The following ZNF292 variants were observed in gnomAD, a reference collection of about 807,000 sequenced individuals.
The protein encoded by ZNF292 is 16 zinc-finger domain protein.
ZNF292 carries 26 observed loss-of-function variants against 217.9 expected under a neutral mutation model. The ratio of observed to expected loss-of-function variants is 0.12; its 90% CI spans 0.09 to 0.17. The LOEUF is 0.17. ZNF292 is among the 10% of genes least tolerant of loss of function. The pLI, the probability that ZNF292 is intolerant of heterozygous loss-of-function variation, is 1.00. For missense variants in ZNF292, 2,904 were observed against 3,175.2 expected (o/e 0.91, Z 2.05); for synonymous variants, 1,257 against 1,124.1 (o/e 1.12, Z -2.37).
intron 1 of ZNF292, among the ~76,000 whole-genome samples, chr6:87,180,987 CA>C (rs1771454043): frequency 6.6e-6 from 1 of 152,154 alleles, no homozygotes; most frequent in South Asian, 2.1e-4. Flanking sequence ...AGCATGCAGA[CA>C]GGTAGGTGCA....
At chr6:87,197,563 C>T (rs1373495441) in intron 1 of ZNF292, among the ~76,000 whole-genome samples, 5 of 150,300 alleles carry the variant, frequency 3.3e-5, no homozygotes, top group Non-Finnish European at 7.4e-5. Context: ...GGTGAAACTC[C>T]GTCTCTACTA....
In ZNF292 at chr6:87,165,494, C is replaced by T. The variant is rs1456382028; in HGVS notation, c.168+9735C>T. Among the ~76,000 whole-genome samples, 11 of 152,172 alleles carry T rather than the reference C, an allele frequency of 7.2e-5. No homozygotes were observed. The East Asian group carries it at 1.5e-3, about 21-fold the overall frequency. On this transcript the variant is annotated intron_variant, in intron 1 of 7. Coordinates refer to ENST00000369577, the MANE Select transcript of ZNF292 (RefSeq NM_015021.3). ...TAGTTGTCACACTGAAACAAAATGA[C>T]CACAAAACCATACTTATCTTTACTA...
intron 6 of ZNF292, among the ~76,000 whole-genome samples, chr6:87,244,286 G>T (rs1306897709): frequency 6.6e-6 from 1 of 152,168 alleles, no homozygotes; most frequent in South Asian, 2.1e-4. Flanking sequence ...ATTGAGCCTC[G>T]TTATGAAGGA....
At chr6:87,191,664 T>C (rs1341898433) in intron 1 of ZNF292, among the ~76,000 whole-genome samples, 2 of 152,146 alleles carry the variant, frequency 1.3e-5, no homozygotes, top group Non-Finnish European at 2.9e-5. Flanking sequence ...CCTTGTTGCT[T>C]TTATTTTATT....
At chr6:87,182,377 C>T (rs1025763784) in intron 1 of ZNF292, among the ~76,000 whole-genome samples, 2 of 152,150 alleles carry the variant, frequency 1.3e-5, no homozygotes. Context: ...TAAAAAATTT[C>T]CACCTGGTTA....
At chr6:87,203,040 G>A (rs1772139372) in intron 1 of ZNF292, among the ~76,000 whole-genome samples, 2 of 151,810 alleles carry the variant, frequency 1.3e-5, no homozygotes, top group African/African-American at 4.8e-5. Context: ...ATAAATAGGG[G>A]ACTACTGCAT....
chr6:87,258,534 T>C lies in ZNF292; in HGVS notation c.4905T>C (p.Ala1635=). ...NSASKRRKKV[A]PPLIAPNASQ... ...CTTCTAAGAGAAGAAAGAAAGTTGCTCCTCCACTAATTGCACCTAACGCTT... is the reference window on the plus strand; with the variant it reads ...CTTCTAAGAGAAGAAAGAAAGTTGCCCCTCCACTAATTGCACCTAACGCTT... Residue 1635 remains alanine, a synonymous_variant, in exon 8 of 8, where the codon GCT becomes GCC. Transcript: ENST00000369577. 1.2e-6 allele frequency: 2 copies of C among 1,613,644 alleles called. No homozygotes were observed. The highest frequency in any genetic ancestry group is 1.7e-6 in the Non-Finnish European group (2 of 1,179,766).
chr6:87,253,283 C>A (rs1261592645), intron 7 of ZNF292, among the ~76,000 whole-genome samples: 1 of 139,918 alleles, frequency 7.1e-6, no homozygotes, highest in African/African-American at 2.8e-5. Context: ...TGGATTGTTG[C>A]AGTGGTGCGA....
rs1447905439 is a variant in ZNF292, at chr6:87,261,654, A to T, written c.8025A>T (p.Lys2675Asn). The part of the protein sequence containing the change: ...NVKIVLDKNL[K>N]DCTELVLKQL... ...AAATTGTTTTAGACAAGAATCTTAA[A>T]GATTGCACTGAGCTTGTCTTAAAGC... is the stretch of plus-strand genomic sequence containing the variant. The change falls in exon 8 of 8, where the codon AAA becomes AAT. Residue 2675 changes from lysine (K) to asparagine (N), a missense_variant. Coordinates refer to ENST00000369577, the MANE Select transcript of ZNF292 (RefSeq NM_015021.3). 6.2e-7 allele frequency: 1 copy of T among 1,612,528 alleles called. No homozygotes were observed.
chr6:87,224,277 G>A (rs1192380304), intron 4 of ZNF292, among the ~76,000 whole-genome samples: 3 of 151,604 alleles, frequency 2.0e-5, no homozygotes, highest in Non-Finnish European at 2.9e-5. Context: ...TAGTTATTTT[G>A]TTGTATTCTG....
chr6:87,240,779 CT>C (rs1300124359), intron 5 of ZNF292, among the ~76,000 whole-genome samples: 1 of 152,138 alleles, frequency 6.6e-6, no homozygotes, highest in Non-Finnish European at 1.5e-5. Flanking sequence ...ATAAATGAGA[CT>C]TTCAAGAAAT....
At chr6:87,253,430 A>G (rs1002248825) in intron 7 of ZNF292, among the ~76,000 whole-genome samples, 2 of 151,280 alleles carry the variant, frequency 1.3e-5, no homozygotes, top group Non-Finnish European at 2.9e-5. Context: ...GGGTTTCCCT[A>G]TGTTGCCCAG....
rs1326296867 is a variant in ZNF292, at chr6:87,155,741, C to T, written c.150C>T (p.Tyr50=). 1.3e-6 allele frequency: 2 copies of T among 1,598,554 alleles called. No individual in the cohort carries two copies. Residue 50 remains tyrosine, a synonymous_variant, in exon 1 of 8, where the codon TAC becomes TAT. Coordinates refer to ENST00000369577, the MANE Select transcript of ZNF292 (RefSeq NM_015021.3). ...RVPAVEAATD[Y]CQQLCQTLLE... The stretch of plus-strand genomic sequence containing the variant: ...CGGCCGTGGAAGCGGCCACCGACTA[C>T]TGTCAGCAGCTGTGCCAGGTGAGGG...
chr6:87,225,027 A>C (rs1773273309), intron 4 of ZNF292, among the ~76,000 whole-genome samples: 1 of 152,170 alleles, frequency 6.6e-6, no homozygotes, highest in South Asian at 2.1e-4. Context: ...AACAATTGGT[A>C]TTGTCCGTTT....
intron 1 of ZNF292, among the ~76,000 whole-genome samples, chr6:87,187,540 G>A (rs1049368153): frequency 2.6e-5 from 4 of 151,810 alleles, no homozygotes; most frequent in African/African-American, 9.7e-5. Context: ...CCAACATGGT[G>A]AAACCCATCT....
chr6:87,246,836 A>G (rs1169446777), intron 7 of ZNF292, among the ~76,000 whole-genome samples: 1 of 152,122 alleles, frequency 6.6e-6, no homozygotes, highest in Admixed American at 6.5e-5. Context: ...AGCCTGGGTG[A>G]CAAGCAAGAT....
intron 4 of ZNF292, among the ~76,000 whole-genome samples, chr6:87,218,978 T>A (rs1772933337): frequency 6.6e-6 from 1 of 152,172 alleles, no homozygotes; most frequent in African/African-American, 2.4e-5. Flanking sequence ...ACAGAGGAAT[T>A]CCTTCTGTAA....
In ZNF292 at chr6:87,261,246, C is replaced by T; in HGVS notation, c.7617C>T (p.Val2539=). The part of the protein sequence containing the change: ...NLKRVNKEKN[V]SQNKKRKVEK... ...AGAGAGTTAATAAGGAAAAAAATGT[C>T]TCACAAAATAAAAAAAGGAAAGTTG... Residue 2539 remains valine (V), a synonymous_variant, in exon 8 of 8, where the codon GTC becomes GTT. Coordinates refer to ENST00000369577, the MANE Select transcript of ZNF292 (RefSeq NM_015021.3). 3.1e-6 allele frequency: 5 copies of T among 1,610,126 alleles called. No individual in the cohort carries two copies. The highest frequency in any genetic ancestry group is 4.2e-6 in the Non-Finnish European group (5 of 1,178,864).
intron 4 of ZNF292, among the ~76,000 whole-genome samples, chr6:87,231,553 G>A (rs939441298): frequency 5.3e-4 from 81 of 152,240 alleles, no homozygotes; most frequent in African/African-American, 1.9e-3. Context: ...TGCCCTAAGT[G>A]TGGCAGTGGT....
Sources: gnomAD v4.1 joint callset for allele counts (sites outside exome capture counted in the v4.1 genomes callset) on GRCh38, gnomAD v4.1.1 for gene constraint, MANE v1.5 for transcripts, NCBI Gene and HGNC (gene_info 2026-07-23, HGNC 2026-07-21) for gene names.